Variants in WRN observed in about 807,000 individuals in gnomAD.
WRN encodes bifunctional 3'-5' exonuclease/ATP-dependent helicase WRN.
WRN carries 149 observed loss-of-function variants against 180.7 expected under a neutral mutation model. The ratio of observed to expected loss-of-function variants is 0.82; its 90% CI spans 0.72 to 0.94. The LOEUF is 0.94. Ranked by LOEUF, WRN falls within the 40% of genes least tolerant of loss-of-function variation. The probability of loss-of-function intolerance (pLI) is 0.00; values close to 1 mark genes in which losing one functional copy is unlikely to be tolerated. For synonymous variants in WRN, 548 were observed against 568.9 expected, an observed-to-expected ratio of 0.96 and a Z score of 0.52; for missense variants, 1,661 against 1,700.1, an observed-to-expected ratio of 0.98 and a Z score of 0.40.
At chr8:31,078,289 T>C (rs1175294061) in intron 8 of WRN, among the ~76,000 whole-genome samples, 4 of 152,204 alleles carry the variant, frequency 2.6e-5, no homozygotes, top group Admixed American at 2.0e-4. Flanking sequence ...TCATGCTCTT[T>C]GTAACAAGTC....
At chr8:31,037,120 A>G (rs952211572) in intron 1 of WRN, among the ~76,000 whole-genome samples, 9 of 152,224 alleles carry the variant, frequency 5.9e-5, no homozygotes, top group Non-Finnish European at 1.3e-4. Flanking sequence ...ATGTAGAATC[A>G]CTGGGAGCCC....
At chr8:31,137,230 T>G (rs1802435343) in intron 24 of WRN, among the ~76,000 whole-genome samples, 1 of 152,158 alleles carries the variant, frequency 6.6e-6, no homozygotes, top group Non-Finnish European at 1.5e-5. Flanking sequence ...TACACAGTTT[T>G]TATAGTTATT....
At position 31,124,968 on chromosome 8, in the gene WRN, A is replaced by G. The variant is rs748959906; in HGVS notation, c.2793A>G (p.Gly931=). 1 of 1,613,192 alleles carries G rather than the reference A, an allele frequency of 6.2e-7. No homozygotes were observed. The highest frequency in any genetic ancestry group is 1.1e-5 in the South Asian group (1 of 90,984). ...AAAAAGCCTCCTTGGGAATTATGGG[A>G]ACTGAAAAATGCTGTGATAATTGCA... The part of the protein sequence containing the change: ...QVQKASLGIM[G]TEKCCDNCRS... The change falls in exon 23 of 35, where the codon GGA becomes GGG. Residue 931 remains glycine, a synonymous_variant. Coordinates refer to ENST00000298139, the MANE Select transcript of WRN (RefSeq NM_000553.6).
intron 23 of WRN, among the ~76,000 whole-genome samples, chr8:31,130,686 T>A (rs1802128262): frequency 6.6e-6 from 1 of 151,868 alleles, no homozygotes; most frequent in Non-Finnish European, 1.5e-5. Context: ...GGGAAGACTA[T>A]CTTGGAGTTA....
intron 18 of WRN, among the ~76,000 whole-genome samples, chr8:31,103,632 G>T (rs1800967204): frequency 6.6e-6 from 1 of 152,102 alleles, no homozygotes; most frequent in Non-Finnish European, 1.5e-5. Flanking sequence ...CAGTTTAACT[G>T]ATCACCTGTT....
intron 16 of WRN, among the ~76,000 whole-genome samples, chr8:31,094,640 C>T (rs1813885483): frequency 6.6e-6 from 1 of 152,192 alleles, no homozygotes; most frequent in Non-Finnish European, 1.5e-5. Flanking sequence ...AGCCACTCTG[C>T]CCGGCCTATT....
chr8:31,130,526 T>C (rs1455722728), intron 23 of WRN, among the ~76,000 whole-genome samples: 1 of 152,146 alleles, frequency 6.6e-6, no homozygotes, highest in Non-Finnish European at 1.5e-5. Context: ...CTTAGGAATT[T>C]AACTTCTAAA....
At chr8:31,142,520 A>G in intron 26 of WRN, 106 bp from the exon 27 acceptor site, 1 of 853,170 alleles carries the variant, frequency 1.2e-6, no homozygotes, top group Non-Finnish European at 1.7e-6. Context: ...CACCAGTTCT[A>G]AAAGGGTAAT....
intron 18 of WRN, among the ~76,000 whole-genome samples, chr8:31,109,692 C>T (rs540653244): frequency 1.3e-5 from 2 of 152,248 alleles, no homozygotes; most frequent in Admixed American, 1.3e-4. Flanking sequence ...TGTTTTATCT[C>T]ACTTGATATT....
intron 6 of WRN, among the ~76,000 whole-genome samples, chr8:31,067,601 T>A (rs1335440353): frequency 1.3e-5 from 2 of 152,208 alleles, no homozygotes; most frequent in Non-Finnish European, 2.9e-5. Flanking sequence ...ATATATAAAA[T>A]GTGGTGAAAT....
At chr8:31,124,209 G>A (rs532759003) in intron 21 of WRN, among the ~76,000 whole-genome samples, 2 of 152,144 alleles carry the variant, frequency 1.3e-5, no homozygotes, top group South Asian at 4.2e-4. Flanking sequence ...TGTGTGACAT[G>A]TAAATTGAAA....
At chr8:31,143,137 A>T (rs915486075) in intron 27 of WRN, among the ~76,000 whole-genome samples, 5 of 152,092 alleles carry the variant, frequency 3.3e-5, no homozygotes, top group African/African-American at 9.7e-5. Context: ...AAGATCTTAG[A>T]TAACTATTAC....
chr8:31,061,016 A>G (rs1264741614), intron 3 of WRN, among the ~76,000 whole-genome samples: 1 of 152,156 alleles, frequency 6.6e-6, no homozygotes, highest in Non-Finnish European at 1.5e-5. Flanking sequence ...CCTTTAATCA[A>G]ATTTGAAAAA....
At chr8:31,120,555 AAG>A in intron 21 of WRN, 131 bp downstream of exon 21, 9 of 950,780 alleles carry the variant, frequency 9.5e-6, no homozygotes, top group Admixed American at 3.0e-5. Context: ...AAAAAAAAAA[AAG>A]AAAAATAAAA....
intron 20 of WRN, among the ~76,000 whole-genome samples, chr8:31,119,097 A>C (rs1801622697): frequency 6.6e-6 from 1 of 151,904 alleles, no homozygotes; most frequent in Non-Finnish European, 1.5e-5. Flanking sequence ...TATGATATTC[A>C]TTCCTATATT....
At chr8:31,120,064 C>T in intron 20 of WRN, 179 bp from the exon 21 acceptor site, 1 of 677,062 alleles carries the variant, frequency 1.5e-6, no homozygotes, top group Admixed American at 2.5e-5. Flanking sequence ...TTCTAGTCAC[C>T]AGTCCTTAAT....
chr8:31,164,163 CTCATAA>C (rs1563391609), intron 33 of WRN, among the ~76,000 whole-genome samples: 1 of 152,034 alleles, frequency 6.6e-6, no homozygotes, highest in African/African-American at 2.4e-5. Context: ...TGATAGTACA[CTCATAA>C]TCATTAAACT....
At chr8:31,148,732 T>TTC (rs1802968557) in intron 30 of WRN, among the ~76,000 whole-genome samples, 1 of 152,244 alleles carries the variant, frequency 6.6e-6, no homozygotes, top group African/African-American at 2.4e-5. Context: ...ATAGAGGACT[T>TTC]TCAGATGAAT....
chr8:31,068,124 G>T (rs1357340308), intron 6 of WRN, 134 bp from the exon 7 acceptor site: 9 of 654,790 alleles, frequency 1.4e-5, no homozygotes, highest in Non-Finnish European at 2.4e-5. Flanking sequence ...ATTGATATTT[G>T]TGTCACATAA....
Sources: gnomAD v4.1 joint callset for allele counts (sites outside exome capture counted in the v4.1 genomes callset) on GRCh38, gnomAD v4.1.1 for gene constraint, MANE v1.5 for transcripts, NCBI Gene and HGNC (gene_info 2026-07-23, HGNC 2026-07-21) for gene names.